Variants in TFEC observed in about 807,000 individuals in gnomAD.
TFEC encodes transcription factor EC.
TFEC carries 31 observed loss-of-function variants against 41.6 expected under a neutral mutation model. The ratio of observed to expected loss-of-function variants is 0.74; its 90% CI spans 0.56 to 1.01. The LOEUF (loss-of-function observed/expected upper bound fraction) is 1.01. TFEC is among the 50% of genes least tolerant of loss of function. The pLI is 0.00. For synonymous variants in TFEC, 143 were observed against 140.6 expected, an observed-to-expected ratio of 1.02 and a Z score of -0.12; for missense variants, 402 against 404.1, an observed-to-expected ratio of 0.99 and a Z score of 0.04.
chr7:116,080,255 T>A (rs373291105), intron 3 of TFEC, among the ~76,000 whole-genome samples: 1 of 152,042 alleles, frequency 6.6e-6, no homozygotes, highest in Admixed American at 6.6e-5. Flanking sequence ...CTTCTAGACA[T>A]TGGCTTAGGC....
chr7:115,959,981 TG>T (rs1255832994), intron 3 of TFEC, among the ~76,000 whole-genome samples: 1 of 151,598 alleles, frequency 6.6e-6, no homozygotes, highest in African/African-American at 2.4e-5. Flanking sequence ...TAGTAATCAA[TG>T]GGCGACAGTA....
chr7:116,110,728 G>A lies in TFEC; in HGVS notation c.178C>T (p.Gln60Ter). ...CATACCCTGGTAAAGGATGGTAATT[G>A]ACTTGAATAAATTTGTGGTCTTGCT... The change falls in exon 3 of 9, where the codon CAA becomes TAA. Residue 60 changes from glutamine (Q) to a stop codon, truncating the protein, a stop_gained. Transcript: ENST00000484212. LOFTEE classifies it high-confidence loss of function. The A allele has an allele frequency of 6.6e-7, 1 of 1,522,782 alleles. No homozygotes were observed. The highest frequency in any genetic ancestry group is 8.8e-7 in the Non-Finnish European group (1 of 1,135,698). The allele number at this position is 1,522,782 out of a possible 1,614,324, so 94.3% of individuals were successfully genotyped here.
At chr7:116,096,037 G>A (rs908359149) in intron 3 of TFEC, among the ~76,000 whole-genome samples, 3 of 152,060 alleles carry the variant, frequency 2.0e-5, no homozygotes, top group Non-Finnish European at 4.4e-5. Flanking sequence ...CTTTTCCATT[G>A]TAATCTTGAA....
chr7:116,033,622 A>G (rs1203128403), upstream of TFEC, among the ~76,000 whole-genome samples: 1 of 151,994 alleles, frequency 6.6e-6, no homozygotes, highest in African/African-American at 2.4e-5. Flanking sequence ...ATTATATGTC[A>G]TCTTATGCAG....
chr7:115,948,887 T>G (rs1171403584), intron 6 of TFEC, among the ~76,000 whole-genome samples: 4 of 150,466 alleles, frequency 2.7e-5, no homozygotes, highest in East Asian at 2.0e-4. Flanking sequence ...GGTATTCAAT[T>G]AGGAAAAGAG....
intron 3 of TFEC, among the ~76,000 whole-genome samples, chr7:116,095,122 A>G (rs1301141914): frequency 6.6e-6 from 1 of 152,232 alleles, no homozygotes; most frequent in Admixed American, 6.5e-5. Flanking sequence ...TACAAAATTT[A>G]TAATACAGGG....
rs1050005863 is a variant in TFEC, at chr7:115,984,594, A to G, written c.-72-81T>C. The G allele has an allele frequency of 1.0e-5, 15 of 1,493,000 alleles. No individual in the cohort carries two copies. The South Asian group carries it at 1.9e-4, about 19-fold the overall frequency. 92.5% of individuals were successfully genotyped at this position (1,493,000 alleles called of 1,614,324 possible). A position where few individuals can be genotyped will look rare whatever the true frequency, so the allele number is the denominator to read the frequency against. On this transcript the variant is annotated intron_variant, in intron 1 of 7. Coordinates refer to ENST00000265440, the MANE Select transcript of TFEC (RefSeq NM_012252.4). ...TTCTCCTTTCCACAATTGCACTAGG[A>G]TAATAAACACACTACACTATAGCAT...
intron 3 of TFEC, among the ~76,000 whole-genome samples, chr7:116,060,580 G>A (rs1207380394): frequency 6.6e-6 from 1 of 152,002 alleles, no homozygotes; most frequent in African/African-American, 2.4e-5. Context: ...ATACAGCTGG[G>A]GGCTATTAGC....
At chr7:115,956,403 G>C (rs1233335046) in intron 4 of TFEC, among the ~76,000 whole-genome samples, 1 of 149,758 alleles carries the variant, frequency 6.7e-6, no homozygotes, top group Non-Finnish European at 1.5e-5. Flanking sequence ...TTTTATATAT[G>C]TATGTATATA....
chr7:115,956,467 A>G (rs749934147), intron 4 of TFEC, among the ~76,000 whole-genome samples: 30 of 151,896 alleles, frequency 2.0e-4, no homozygotes, highest in Non-Finnish European at 4.0e-4. Context: ...CATTTGCTCA[A>G]TTTCCAAAAT....
Position 115,950,897 on chromosome 7 carries a change from A to G in TFEC, c.492T>C (p.Thr164=), listed in dbSNP as rs143932951. The change falls in exon 6 of 8, where the codon ACT becomes ACC. Residue 164 remains threonine, a synonymous_variant. Coordinates refer to ENST00000265440, the MANE Select transcript of TFEC (RefSeq NM_012252.4). ...NINYRIKELG[T]LIPKSNDPDM... ...ACGGATCATTAGACTTTGGAATAAGAGTGCCAAGCTCCTTGATTCGGTAAT... is the reference window on the plus strand; with the variant it reads ...ACGGATCATTAGACTTTGGAATAAGGGTGCCAAGCTCCTTGATTCGGTAAT... 7.3e-4 allele frequency: 1,171 copies of G among 1,604,792 alleles called. 13 individuals are homozygous for G. The highest frequency in any genetic ancestry group is 1.8e-4 in the Middle Eastern group (1 of 5,684).
At chr7:116,124,111 T>C (rs977804183) in intron 1 of TFEC, among the ~76,000 whole-genome samples, 1 of 152,142 alleles carries the variant, frequency 6.6e-6, no homozygotes, top group South Asian at 2.1e-4. Context: ...ACCTTTATTA[T>C]GTAAAATGCC....
intron 1 of TFEC, among the ~76,000 whole-genome samples, chr7:116,148,952 C>T (rs1798702657): frequency 6.7e-6 from 1 of 149,168 alleles, no homozygotes; most frequent in African/African-American, 2.5e-5. Context: ...TTTAAGCGAT[C>T]AGGGAGATAA....
chr7:115,946,217 A>G (rs1443015016), intron 6 of TFEC, among the ~76,000 whole-genome samples: 1 of 151,186 alleles, frequency 6.6e-6, no homozygotes, highest in African/African-American at 2.4e-5. Flanking sequence ...AAAGATTTGA[A>G]GAGTTTGGAG....
intron 3 of TFEC, among the ~76,000 whole-genome samples, chr7:116,053,981 T>C (rs1255200162): frequency 6.6e-6 from 1 of 152,218 alleles, no homozygotes; most frequent in Admixed American, 6.5e-5. Context: ...CTAACTATTA[T>C]TGTTGCAATT....
chr7:116,159,723 T>C (rs1798937395), intron 1 of TFEC: 1 of 152,160 alleles, frequency 6.6e-6, no homozygotes, highest in East Asian at 1.9e-4. Context: ...CATATGATTT[T>C]AAAGCCCAAA....
At chr7:116,138,426 T>G (rs188965584) in intron 1 of TFEC, among the ~76,000 whole-genome samples, 15 of 152,324 alleles carry the variant, frequency 9.8e-5, no homozygotes, top group Non-Finnish European at 1.5e-5. Context: ...TGATCTCATA[T>G]AGGCCCTTGT....
intron 3 of TFEC, among the ~76,000 whole-genome samples, chr7:116,075,698 AC>A (rs1392468909): frequency 2.0e-5 from 3 of 152,062 alleles, no homozygotes. Flanking sequence ...CCTGGGAACC[AC>A]ATCCTCATCC....
chr7:116,114,964 A>G (rs944208115), intron 1 of TFEC, among the ~76,000 whole-genome samples: 4 of 151,916 alleles, frequency 2.6e-5, no homozygotes, highest in Admixed American at 1.3e-4. Flanking sequence ...ATCAGAAGAG[A>G]AAAATCTCCC....
Sources: allele counts gnomAD v4.1 joint callset (sites outside exome capture counted in the v4.1 genomes callset), GRCh38; gene constraint gnomAD v4.1.1; transcripts MANE v1.5; gene names NCBI Gene and HGNC (gene_info 2026-07-23, HGNC 2026-07-21).